Variants in ARHGAP26 observed in about 807,000 individuals in gnomAD.
ARHGAP26 encodes the protein Rho GTPase activating protein 26, also known as rho GTPase-activating protein 26.
ARHGAP26 carries 38 observed loss-of-function variants against 104.8 expected under a neutral mutation model. That is an observed-to-expected ratio of 0.36 (90% confidence interval 0.28 to 0.48). The LOEUF is 0.48. ARHGAP26 is among the 20% of genes least tolerant of loss of function. ARHGAP26 has a pLI of 0.99. For missense variants in ARHGAP26, 704 were observed against 947.9 expected, an observed-to-expected ratio of 0.74 and a Z score of 3.38; for synonymous variants, 341 against 340.0, an observed-to-expected ratio of 1.00 and a Z score of -0.03.
chr5:142,849,074 A>AT (rs1290559157), intron 1 of ARHGAP26, among the ~76,000 whole-genome samples: 3 of 152,168 alleles, frequency 2.0e-5, no homozygotes, highest in Admixed American at 2.0e-4. Context: ...CTCTAACTTG[A>AT]TTTTTTATCA....
chr5:143,072,306 GAATGTTTTCCATAGTACAGCCACTGTGGA>G (rs1179406647), intron 17 of ARHGAP26, among the ~76,000 whole-genome samples: 2 of 152,318 alleles, frequency 1.3e-5, no homozygotes, highest in Admixed American at 1.3e-4. Flanking sequence ...CTATTGGTGG[GAATGTTTTCCATAGTACAGCCACTGTGGA>G]AAGCAGTATG....
chr5:143,075,407 A>G (rs1412808872), intron 17 of ARHGAP26, among the ~76,000 whole-genome samples: 3 of 151,516 alleles, frequency 2.0e-5, no homozygotes, highest in African/African-American at 7.3e-5. Context: ...CAAAATAGCA[A>G]TTTTCATTTG....
intron 19 of ARHGAP26, among the ~76,000 whole-genome samples, chr5:143,138,948 T>G (rs1192437208): frequency 1.3e-5 from 2 of 152,118 alleles, no homozygotes; most frequent in Non-Finnish European, 2.9e-5. Flanking sequence ...AACCAGTCGT[T>G]ATTTTGCTTT....
At chr5:143,033,922 C>T (rs563915777) in intron 12 of ARHGAP26, among the ~76,000 whole-genome samples, 6 of 152,250 alleles carry the variant, frequency 3.9e-5, no homozygotes, top group African/African-American at 9.6e-5. Flanking sequence ...CGTAATTCCC[C>T]GTCTGACAAA....
intron 1 of ARHGAP26, among the ~76,000 whole-genome samples, chr5:142,833,841 C>A (rs375405775): frequency 6.6e-6 from 1 of 152,154 alleles, no homozygotes; most frequent in Non-Finnish European, 1.5e-5. Context: ...TAATTTACCT[C>A]GTCTTTCTGA....
intron 11 of ARHGAP26, among the ~76,000 whole-genome samples, chr5:142,972,054 C>T (rs564500970): frequency 7.2e-5 from 11 of 152,138 alleles, no homozygotes; most frequent in African/African-American, 2.4e-4. Context: ...TGGTGACACA[C>T]GCCTGTTATC....
intron 14 of ARHGAP26, among the ~76,000 whole-genome samples, chr5:143,049,183 C>T (rs1160555312): frequency 1.3e-5 from 2 of 152,014 alleles, no homozygotes; most frequent in Non-Finnish European, 2.9e-5. Context: ...GTATGTTTTT[C>T]TGTAATTCTC....
chr5:143,044,977 G>T (rs974431006), intron 14 of ARHGAP26, among the ~76,000 whole-genome samples: 2 of 152,194 alleles, frequency 1.3e-5, no homozygotes, highest in African/African-American at 4.8e-5. Context: ...AGATTTCAAA[G>T]ATGACAGATT....
At chr5:143,130,058 C>T (rs1797147919) in intron 18 of ARHGAP26, among the ~76,000 whole-genome samples, 1 of 152,148 alleles carries the variant, frequency 6.6e-6, no homozygotes, top group Admixed American at 6.6e-5. Context: ...GTGATGTCAG[C>T]GTCAGTGATG....
intron 19 of ARHGAP26, among the ~76,000 whole-genome samples, chr5:143,144,451 G>A (rs1290448526): frequency 6.6e-6 from 1 of 151,936 alleles, no homozygotes; most frequent in East Asian, 1.9e-4. Context: ...TGTCACCTAG[G>A]CTGGAGTGCT....
intron 20 of ARHGAP26, among the ~76,000 whole-genome samples, chr5:143,160,235 A>G (rs1263360275): frequency 1.3e-5 from 2 of 151,256 alleles, no homozygotes; most frequent in Non-Finnish European, 2.9e-5. Flanking sequence ...AATTTTTTTT[A>G]TTTTTAGTAG....
At chr5:142,773,527 T>C (rs1258789753) in intron 1 of ARHGAP26, among the ~76,000 whole-genome samples, 1 of 152,226 alleles carries the variant, frequency 6.6e-6, no homozygotes, top group African/African-American at 2.4e-5. Flanking sequence ...ATGCAAATTC[T>C]TTATAGATCT....
At chr5:143,153,399 G>A (rs908522688) in intron 20 of ARHGAP26, among the ~76,000 whole-genome samples, 48 of 152,114 alleles carry the variant, frequency 3.2e-4, no homozygotes, top group African/African-American at 1.2e-3. Context: ...GATGAGGGTC[G>A]TTCAATGGGT....
At chr5:143,147,756 G>A (rs934890047) in intron 20 of ARHGAP26, among the ~76,000 whole-genome samples, 11 of 151,970 alleles carry the variant, frequency 7.2e-5, no homozygotes, top group Admixed American at 3.9e-4. Context: ...ATGTTGTCTC[G>A]GTTTCCCTCC....
chr5:142,957,313 A>G (rs752195563), intron 11 of ARHGAP26, among the ~76,000 whole-genome samples: 1 of 152,236 alleles, frequency 6.6e-6, no homozygotes, highest in Non-Finnish European at 1.5e-5. Context: ...TCTCATCAGC[A>G]CTTAGTCTTT....
intron 1 of ARHGAP26, among the ~76,000 whole-genome samples, chr5:142,781,095 C>T (rs1175098952): frequency 6.6e-6 from 1 of 152,170 alleles, no homozygotes; most frequent in Non-Finnish European, 1.5e-5. Flanking sequence ...ACAGGCAGCC[C>T]ACAGCACAAA....
rs183232221 is a variant in ARHGAP26, at chr5:143,020,809, T to G, written c.1144+6693T>G. The stretch of plus-strand genomic sequence containing the variant: ...ACCCGCCCTCACGCCCGGCTAATTT[T>G]TTTGTAGTTTTTAGTAGAGACAGGG... On this transcript the variant is annotated intron_variant, in intron 12 of 22. Coordinates refer to ENST00000645722, the MANE Select transcript of ARHGAP26 (RefSeq NM_001135608.3). 2.0e-4 allele frequency among the ~76,000 whole-genome samples: 31 copies of G among 152,204 alleles called. No individual in the cohort carries two copies. The East Asian group carries it at 5.6e-3, about 27-fold the overall frequency.
intron 1 of ARHGAP26, among the ~76,000 whole-genome samples, chr5:142,794,707 G>A (rs569400298): frequency 6.6e-6 from 1 of 152,172 alleles, no homozygotes; most frequent in African/African-American, 2.4e-5. Context: ...GGGAGAGAGG[G>A]GACTGCCCCT....
intron 1 of ARHGAP26, among the ~76,000 whole-genome samples, chr5:142,833,225 T>TTG (rs1433143490): frequency 6.7e-5 from 10 of 149,518 alleles, no homozygotes; most frequent in Middle Eastern, 3.4e-3. Context: ...GGCTAATTTT[T>TTG]TTTTTTTTTT....
Sources: allele counts gnomAD v4.1 joint callset (sites outside exome capture counted in the v4.1 genomes callset), GRCh38; gene constraint gnomAD v4.1.1; transcripts MANE v1.5; gene names NCBI Gene and HGNC (gene_info 2026-07-23, HGNC 2026-07-21).